The following MMP16 variants were observed in gnomAD, a reference collection of about 807,000 sequenced individuals.
The protein encoded by MMP16 is matrix metallopeptidase 16.
A neutral mutation model predicts 67.8 loss-of-function variants in MMP16; 12 were observed. The observed-to-expected ratio is 0.18, with a 90% CI of 0.11 to 0.29. The LOEUF (loss-of-function observed/expected upper bound fraction) is 0.29, where lower values mean the gene tolerates loss of function less well. Among genes scored for constraint, MMP16 ranks in the 10% least tolerant of loss-of-function variants. MMP16 has a pLI of 1.00. For missense variants in MMP16, 475 were observed against 765.7 expected (o/e 0.62, Z 4.48); for synonymous variants, 249 against 255.9 (o/e 0.97, Z 0.26).
chr8:88,201,117 A>T (rs1343304254), intron 1 of MMP16, among the ~76,000 whole-genome samples: 1 of 142,470 alleles, frequency 7.0e-6, no homozygotes, highest in African/African-American at 2.6e-5. Context: ...ACTGACTCTG[A>T]TTAATTGCAG....
At position 88,186,601 on chromosome 8, in the gene MMP16, GCAAAAA is replaced by G; in HGVS notation, c.282-9_282-4del. On this transcript the variant is annotated splice_region_variant and splice_polypyrimidine_tract_variant and intron_variant, in intron 2 of 9. Coordinates refer to ENST00000286614, the MANE Select transcript of MMP16 (RefSeq NM_005941.5). ...CGCATCGGGGCTTCTTCATCCAGCT[GCAAAAA>G]AAAAAAAAAAAAAAAAAAAGCAGTA... The G allele has an allele frequency of 5.3e-6, 5 of 949,338 alleles. No individual in the cohort carries two copies. Among genetic ancestry groups the G allele is most frequent in the South Asian group, 2.7e-5 (1 of 37,260 alleles). The allele number at this position is 949,338 out of a possible 1,614,324, so 58.8% of individuals were successfully genotyped here.
chr8:88,143,739 T>TCAAGGCAAAA (rs1808248843), intron 4 of MMP16, among the ~76,000 whole-genome samples: 2 of 152,032 alleles, frequency 1.3e-5, no homozygotes, highest in African/African-American at 4.8e-5. Context: ...GTCATTGTTT[T>TCAAGGCAAAA]TAAGGCAGAA....
chr8:88,190,526 A>G (rs1397881531), intron 2 of MMP16, among the ~76,000 whole-genome samples: 3 of 152,174 alleles, frequency 2.0e-5, no homozygotes, highest in Non-Finnish European at 2.9e-5. Flanking sequence ...CTGGCATGCT[A>G]ATGTTTTTAT....
chr8:88,317,999 T>A (rs140580578), intron 1 of MMP16, among the ~76,000 whole-genome samples: 2 of 152,138 alleles, frequency 1.3e-5, no homozygotes, highest in African/African-American at 4.8e-5. Context: ...AAAATAAATA[T>A]ATTTCCTTTT....
chr8:88,295,321 A>C (rs1298729552), intron 1 of MMP16, among the ~76,000 whole-genome samples: 1 of 152,242 alleles, frequency 6.6e-6, no homozygotes, highest in Non-Finnish European at 1.5e-5. Flanking sequence ...GTTTACTCTG[A>C]GAATCCAGAA....
intron 6 of MMP16, among the ~76,000 whole-genome samples, chr8:88,081,381 CT>C (rs1798349969): frequency 6.6e-6 from 1 of 152,092 alleles, no homozygotes; most frequent in South Asian, 2.1e-4. Flanking sequence ...CAGAAAATTT[CT>C]TACTTAAAGT....
intron 8 of MMP16, among the ~76,000 whole-genome samples, chr8:88,050,881 A>G (rs905283785): frequency 3.3e-5 from 5 of 152,220 alleles, no homozygotes; most frequent in Non-Finnish European, 7.3e-5. Flanking sequence ...CCAGACTCAT[A>G]GGATTCAGAG....
chr8:88,279,946 A>C (rs914762137), intron 1 of MMP16, among the ~76,000 whole-genome samples: 2 of 152,188 alleles, frequency 1.3e-5, no homozygotes, highest in African/African-American at 4.8e-5. Flanking sequence ...TCCAGGAGCC[A>C]GAATGTTCAT....
At position 88,037,605 on chromosome 8, in the gene MMP16, C is replaced by T. The variant is rs1285639388; in HGVS notation, c.*3856G>A. On this transcript the variant is annotated 3_prime_UTR_variant, in exon 10 of 10. Coordinates refer to ENST00000286614, the MANE Select transcript of MMP16 (RefSeq NM_005941.5). ...CAATCAGAAAGAGCATCTGTATTCA[C>T]CTGCTCTGACTGCCATGTCAACAGA... 1.3e-5 allele frequency: 2 copies of T among 151,932 alleles called. No homozygotes were observed. The highest frequency in any genetic ancestry group is 1.5e-5 in the Non-Finnish European group (1 of 67,866). The allele number at this position is 151,932 out of a possible 1,614,324, so 9.4% of individuals were successfully genotyped here.
intron 1 of MMP16, among the ~76,000 whole-genome samples, chr8:88,292,861 A>AT (rs28986491): frequency 1.6e-4 from 25 of 152,184 alleles, no homozygotes; most frequent in African/African-American, 6.0e-4. Flanking sequence ...GTATTACTCT[A>AT]TTTTTTAATA....
chr8:88,202,519 A>ACCT (rs1408842049), intron 1 of MMP16, among the ~76,000 whole-genome samples: 6 of 152,162 alleles, frequency 3.9e-5, no homozygotes, highest in Non-Finnish European at 2.9e-5. Flanking sequence ...ATTATGTGCT[A>ACCT]GTCATCAGGC....
Position 88,167,914 on chromosome 8 carries a change from G to C in MMP16, c.464C>G (p.Ala155Gly). Residue 155 changes from alanine to glycine, a missense_variant, in exon 4 of 10, where the codon GCC (alanine) becomes GGC (glycine). Around this residue, in one of 5 missense-constraint regions of MMP16, gnomAD observed 170 missense variants for 239.6 expected, o/e 0.71. Coordinates refer to ENST00000286614, the MANE Select transcript of MMP16 (RefSeq NM_005941.5). ...AGTTACATTCTGCCACACATCAAAGGCACGGCGAATAGCTTTACGAGTCTC... is the reference window on the plus strand; with the variant it reads ...AGTTACATTCTGCCACACATCAAAGCCACGGCGAATAGCTTTACGAGTCTC... Reference protein sequence around the residue: ...DPETRKAIRRAFDVWQNVTPL... With the variant: ...DPETRKAIRRGFDVWQNVTPL... 1 of 1,613,948 alleles carries C rather than the reference G, an allele frequency of 6.2e-7. No individual in the cohort carries two copies. The highest frequency in any genetic ancestry group is 2.2e-5 in the East Asian group (1 of 44,864).
chr8:88,261,772 T>TACACACACACACAC (rs1475874060), intron 1 of MMP16, among the ~76,000 whole-genome samples: 15,480 of 149,654 alleles, frequency 0.1, 780 homozygotes, highest in Non-Finnish European at 0.11. Flanking sequence ...TATGTACATG[T>TACACACACACACAC]ACACACACAC....
chr8:88,103,923 C>T (rs775707421), intron 6 of MMP16, among the ~76,000 whole-genome samples: 6 of 151,698 alleles, frequency 4.0e-5, no homozygotes, highest in Non-Finnish European at 8.8e-5. Flanking sequence ...AGATTCTTAC[C>T]TAATTGGACA....
At chr8:88,047,727 C>A (rs545280794) in intron 8 of MMP16, among the ~76,000 whole-genome samples, 1 of 152,072 alleles carries the variant, frequency 6.6e-6, no homozygotes, top group African/African-American at 2.4e-5. Flanking sequence ...TACACTACAG[C>A]GAGCCTTTGG....
intron 1 of MMP16, among the ~76,000 whole-genome samples, chr8:88,288,366 T>C (rs368027044): frequency 3.8e-4 from 58 of 152,226 alleles, no homozygotes; most frequent in South Asian, 3.1e-3. Context: ...TCTTTTTTTT[T>C]CCAGAAAAAC....
chr8:88,269,954 A>C (rs975786299), intron 1 of MMP16, among the ~76,000 whole-genome samples: 2 of 152,202 alleles, frequency 1.3e-5, no homozygotes, highest in Non-Finnish European at 2.9e-5. Flanking sequence ...CAGGCATAAA[A>C]AGTATTTACC....
intron 3 of MMP16, among the ~76,000 whole-genome samples, chr8:88,170,519 T>TA (rs1181241387): frequency 6.6e-6 from 1 of 152,194 alleles, no homozygotes; most frequent in Non-Finnish European, 1.5e-5. Context: ...AGCGGGCTGA[T>TA]ATTCCTATGA....
intron 1 of MMP16, among the ~76,000 whole-genome samples, chr8:88,210,865 C>T (rs540676573): frequency 5.9e-5 from 9 of 152,100 alleles, no homozygotes; most frequent in Non-Finnish European, 1.3e-4. Flanking sequence ...AAACAACACA[C>T]CAAGAGCTTA....
Sources: allele counts gnomAD v4.1 joint callset (sites outside exome capture counted in the v4.1 genomes callset), GRCh38; gene constraint gnomAD v4.1.1; regional missense constraint gnomAD v4.1.1; transcripts MANE v1.5; gene names NCBI Gene and HGNC (gene_info 2026-07-23, HGNC 2026-07-21).